The following NBEAL1 variants were observed in gnomAD, a reference collection of about 807,000 sequenced individuals.
NBEAL1 encodes the protein neurobeachin-like protein 1.
NBEAL1 carries 273 observed loss-of-function variants against 351.3 expected under a neutral mutation model. The observed-to-expected ratio is 0.78, with a 90% confidence interval of 0.70 to 0.86. NBEAL1 has a LOEUF of 0.86. NBEAL1 is among the 40% of genes least tolerant of loss of function. NBEAL1 has a pLI of 0.00. For missense variants in NBEAL1, 2,961 were observed against 3,201.3 expected (o/e 0.92, Z 1.81); for synonymous variants, 1,050 against 1,086.4 (o/e 0.97, Z 0.66).
intron 36 of NBEAL1, among the ~76,000 whole-genome samples, chr2:203,160,075 CTA>C (rs2063905568): frequency 7.2e-6 from 1 of 137,944 alleles, no homozygotes; most frequent in Non-Finnish European, 1.5e-5. Context: ...TTGCCCCCCG[CTA>C]TTTTTTTTTT....
At chr2:203,078,940 C>T (rs928913148) in intron 8 of NBEAL1, among the ~76,000 whole-genome samples, 1 of 152,082 alleles carries the variant, frequency 6.6e-6, no homozygotes, top group East Asian at 1.9e-4. Flanking sequence ...AAAGCTATAA[C>T]AGCAAGTCTA....
At position 203,032,043 on chromosome 2, in the gene NBEAL1, C is replaced by T. The variant is rs183712893; in HGVS notation, c.52-9722C>T. ...TTTATTATTTTTTGATTGCTTACTCCGGGGGAATCCAGAAGTTCAGTAATG... is the reference window on the plus strand; with the variant it reads ...TTTATTATTTTTTGATTGCTTACTCTGGGGGAATCCAGAAGTTCAGTAATG... On this transcript the variant is annotated intron_variant, in intron 2 of 55. Coordinates refer to ENST00000683969, the MANE Select transcript of NBEAL1 (RefSeq NM_001378026.1). Among the ~76,000 whole-genome samples, 1,142 of 152,212 alleles carry T rather than the reference C, an allele frequency of 7.5e-3. 5 individuals carry two copies. Among genetic ancestry groups the T allele is most frequent in the Admixed American group, 0.011 (174 of 15,294 alleles).
Position 203,136,246 on chromosome 2 carries a change from C to T in NBEAL1, c.4383C>T (p.Ser1461=), listed in dbSNP as rs769386432. 13 of 1,562,794 alleles carry T rather than the reference C, an allele frequency of 8.3e-6. No individual in the cohort carries two copies. Among genetic ancestry groups the T allele is most frequent in the Non-Finnish European group, 8.6e-7 (1 of 1,159,636 alleles). ...GTGATGACTTCTCTTTACTTGAAAG[C>T]CAAGAGGTAAAATTGCTTATTTTTC... is the stretch of plus-strand genomic sequence containing the variant. ...GFSDDFSLLE[S]QERCEEELLQ... is the part of the protein sequence containing the mutation. The change falls in exon 28 of 56, where the codon AGC becomes AGT. Residue 1461 remains serine (S), a synonymous_variant. Transcript: ENST00000683969.
At chr2:203,151,105 G>T (rs2063638821) in intron 34 of NBEAL1, among the ~76,000 whole-genome samples, 1 of 152,188 alleles carries the variant, frequency 6.6e-6, no homozygotes, top group Non-Finnish European at 1.5e-5. Context: ...GCCAAGGCGG[G>T]AAAATTGCTT....
chr2:203,120,225 C>A (rs1013399814), intron 18 of NBEAL1, among the ~76,000 whole-genome samples: 3 of 151,958 alleles, frequency 2.0e-5, no homozygotes, highest in African/African-American at 7.2e-5. Context: ...TCACAAAAGC[C>A]CTGAGAGGTA....
rs2063236975 is a variant in NBEAL1 at position 203,137,240 on chromosome 2, C to A, written c.4565+466C>A. ...GGATGGCTTTGAATGTGGCCCAACA[C>A]AAATTCATAAACTTTCTTAAAAAAT... On this transcript the variant is annotated intron_variant, in intron 29 of 55. Coordinates refer to ENST00000683969, the MANE Select transcript of NBEAL1 (RefSeq NM_001378026.1). 2.0e-5 allele frequency among the ~76,000 whole-genome samples: 3 copies of A among 152,222 alleles called. No homozygotes were observed. In the South Asian group the frequency reaches 6.2e-4, roughly 32 times the overall value.
At position 203,190,618 on chromosome 2, in the gene NBEAL1, C is replaced by T. The variant is rs1575108251; in HGVS notation, c.6921+229C>T. On this transcript the variant is annotated intron_variant, in intron 46 of 55. Transcript: ENST00000683969. ...GCTGGGACTCATTCCACATGTAAAA[C>T]TTCTAATAGCTAACATCTGCCCAAA... is the stretch of plus-strand genomic sequence containing the variant. 14 of 815,598 alleles carry T rather than the reference C, an allele frequency of 1.7e-5. No homozygotes were observed. In the South Asian group the frequency reaches 1.9e-4, roughly 11 times the overall value. 50.5% of individuals were successfully genotyped at this position (815,598 alleles called of 1,614,324 possible). A position where few individuals can be genotyped will look rare whatever the true frequency, so the allele number is the denominator to read the frequency against.
intron 12 of NBEAL1, among the ~76,000 whole-genome samples, chr2:203,104,838 A>G (rs749675634): frequency 6.6e-6 from 1 of 151,568 alleles, no homozygotes; most frequent in Admixed American, 6.6e-5. Context: ...AATTCTTTGG[A>G]ATTTCTTTTT....
At chr2:203,151,247 A>G (rs898746697) in intron 34 of NBEAL1, among the ~76,000 whole-genome samples, 1 of 152,132 alleles carries the variant, frequency 6.6e-6, no homozygotes, top group Non-Finnish European at 1.5e-5. Context: ...CACGAGAATC[A>G]CTTGAATCCA....
chr2:203,084,400 TA>T, intron 9 of NBEAL1, 62 bp from the exon 10 acceptor site: 1 of 752,772 alleles, frequency 1.3e-6, no homozygotes. Context: ...ATGATTAGAG[TA>T]AATGTTTGTA....
At chr2:203,158,248 CAAAA>C (rs1404126997) in intron 36 of NBEAL1, among the ~76,000 whole-genome samples, 1 of 151,804 alleles carries the variant, frequency 6.6e-6, no homozygotes, top group East Asian at 1.9e-4. Flanking sequence ...AAACAAAAAG[CAAAA>C]AACATAAACC....
intron 7 of NBEAL1, among the ~76,000 whole-genome samples, chr2:203,071,371 G>A (rs893499094): frequency 6.6e-6 from 1 of 152,080 alleles, no homozygotes; most frequent in Admixed American, 6.6e-5. Context: ...CTTCTTACAA[G>A]GGCACTAGTT....
intron 10 of NBEAL1, among the ~76,000 whole-genome samples, chr2:203,089,547 C>T (rs1187676003): frequency 6.6e-6 from 1 of 152,148 alleles, no homozygotes; most frequent in Admixed American, 6.5e-5. Context: ...ATCACCAACT[C>T]AGTGAAGTCT....
chr2:203,057,760 A>G (rs949484873), intron 6 of NBEAL1, among the ~76,000 whole-genome samples: 22 of 152,256 alleles, frequency 1.4e-4, no homozygotes, highest in Admixed American at 6.5e-4. Flanking sequence ...TTATTTTTTA[A>G]AAAACATACT....
intron 42 of NBEAL1, among the ~76,000 whole-genome samples, chr2:203,177,660 C>G (rs183375994): frequency 6.6e-6 from 1 of 152,246 alleles, no homozygotes; most frequent in East Asian, 1.9e-4. Context: ...CTTATAAATA[C>G]TGCCAGTGGG....
Position 203,157,719 on chromosome 2 carries a change from TC to T in NBEAL1, c.5610del (p.Ser1871ValfsTer8). 1 of 1,598,424 alleles carries T rather than the reference TC, an allele frequency of 6.3e-7. No homozygotes were observed. The highest frequency in any genetic ancestry group is 1.1e-5 in the South Asian group (1 of 87,384). ...AACAGGTATCCAACACTCACAGCCT[TC>T]CAGTGATACATTGCTTTTGGAAGTA... ...DNLGIQHSQP[S>X]SDTLLLEVVK... On this transcript the variant is annotated frameshift_variant, in exon 36 of 56. Coordinates refer to ENST00000683969, the MANE Select transcript of NBEAL1 (RefSeq NM_001378026.1). LOFTEE classifies it high-confidence loss of function.
At position 203,125,409 on chromosome 2, in the gene NBEAL1, A is replaced by G. The variant is rs1191403702; in HGVS notation, c.2740A>G (p.Ser914Gly). The G allele has an allele frequency of 1.5e-5, 23 of 1,548,484 alleles. No individual in the cohort carries two copies. Among genetic ancestry groups the G allele is most frequent in the Non-Finnish European group, 2.0e-5 (23 of 1,145,630 alleles). Reference sequence around the variant, plus strand: ...ACTCTTTCCTTTATTGGAACAAATCAGCCACTTTAGTGAAGGACAGATTCC... The same window carrying G: ...ACTCTTTCCTTTATTGGAACAAATCGGCCACTTTAGTGAAGGACAGATTCC... ...NVLFPLLEQI[S>G]HFSEGQIPEE... is the part of the protein sequence containing the mutation. Residue 914 changes from serine to glycine, a missense_variant, in exon 20 of 56, where the codon AGC (serine) becomes GGC (glycine). Coordinates refer to ENST00000683969, the MANE Select transcript of NBEAL1 (RefSeq NM_001378026.1).
At chr2:203,161,672 TAAATAAATAAAA>T (rs1438432025) in intron 36 of NBEAL1, among the ~76,000 whole-genome samples, 1 of 63,390 alleles carries the variant, frequency 1.6e-5, no homozygotes, top group Non-Finnish European at 3.5e-5. Context: ...AATAAATAAA[TAAATAAATAAAA>T]GCCAGCATGG....
intron 24 of NBEAL1, among the ~76,000 whole-genome samples, chr2:203,128,443 A>G (rs2062997246): frequency 6.6e-6 from 1 of 151,800 alleles, no homozygotes; most frequent in African/African-American, 2.4e-5. Flanking sequence ...AATTTTTCAT[A>G]AAATAGATGA....
Sources: gnomAD v4.1 joint callset for allele counts (sites outside exome capture counted in the v4.1 genomes callset) on GRCh38, gnomAD v4.1.1 for gene constraint, MANE v1.5 for transcripts, NCBI Gene and HGNC (gene_info 2026-07-23, HGNC 2026-07-21) for gene names.